The following DOCK8 variants were observed in gnomAD, a reference collection of about 807,000 sequenced individuals.
The protein encoded by DOCK8 is dedicator of cytokinesis 8, also known as dedicator of cytokinesis protein 8.
DOCK8 carries 141 observed loss-of-function variants against 245.6 expected under a neutral mutation model. The observed-to-expected ratio is 0.57, with a 90% CI of 0.50 to 0.66. The LOEUF is 0.66. DOCK8 is among the 30% of genes least tolerant of loss of function. The pLI, the probability that DOCK8 is intolerant of heterozygous loss-of-function variation, is 0.00. For synonymous variants in DOCK8, 1,168 were observed against 970.2 expected, an observed-to-expected ratio of 1.20 and a Z score of -3.79; for missense variants, 2,965 against 2,603.4, an observed-to-expected ratio of 1.14 and a Z score of -3.02.
Position 327,292 on chromosome 9 carries a change from G to A in DOCK8, c.895-730G>A, listed in dbSNP as rs143658088. Among the ~76,000 whole-genome samples, 488 of 152,200 alleles carry A rather than the reference G, an allele frequency of 3.2e-3. 4 individuals carry two copies. The highest frequency in any genetic ancestry group is 0.011 in the African/African-American group (471 of 41,512). ...TGTCCTTGTCACCCAACTGCAAATGGCCTGTCACTCTGGAACTTCCACAGT... is the reference window on the plus strand; with the variant it reads ...TGTCCTTGTCACCCAACTGCAAATGACCTGTCACTCTGGAACTTCCACAGT... On this transcript the variant is annotated intron_variant, in intron 8 of 47. Transcript: ENST00000432829.
intron 1 of DOCK8, among the ~76,000 whole-genome samples, chr9:260,808 A>G (rs1338653215): frequency 6.6e-6 from 1 of 152,240 alleles, no homozygotes; most frequent in African/African-American, 2.4e-5. Context: ...TCACCAGCAA[A>G]CAGATAAAGA....
intron 11 of DOCK8, among the ~76,000 whole-genome samples, chr9:335,725 G>A (rs1424615557): frequency 6.6e-6 from 1 of 152,104 alleles, no homozygotes; most frequent in Admixed American, 6.5e-5. Context: ...AGGATAACCT[G>A]ACAACAGAGA....
At chr9:400,808 A>T (rs2054949869) in intron 26 of DOCK8, among the ~76,000 whole-genome samples, 1 of 73,610 alleles carries the variant, frequency 1.4e-5, no homozygotes, top group South Asian at 4.8e-4. Context: ...CACCTCCACC[A>T]TCACCACCAC....
chr9:299,568 A>G (rs2049431949), intron 4 of DOCK8, among the ~76,000 whole-genome samples: 1 of 151,098 alleles, frequency 6.6e-6, no homozygotes, highest in African/African-American at 2.4e-5. Context: ...CAGCCTGTAC[A>G]TTTTCCTTGA....
rs201847818 is a variant in DOCK8 at position 311,987 on chromosome 9, G to A, written c.562G>A (p.Val188Met). The change falls in exon 6 of 48, where the codon GTG becomes ATG. Residue 188 changes from valine to methionine, a missense_variant. By Grantham distance (21) the Val-to-Met change is conservative. Transcript: ENST00000432829. ...CCGCCACTTAAACGTGCTGTGCGAC[G>A]TGTCTGGGAAAGGCCCCGTCACTGC... ...GPRHLNVLCD[V>M]SGKGPVTACD... is the part of the protein sequence containing the mutation. The A allele has an allele frequency of 4.8e-5, 77 of 1,614,002 alleles. No homozygotes were observed. Among genetic ancestry groups the A allele is most frequent in the Middle Eastern group, 1.6e-4 (1 of 6,084 alleles).
At chr9:409,948 A>T (rs566254319) in intron 28 of DOCK8, among the ~76,000 whole-genome samples, 2 of 152,192 alleles carry the variant, frequency 1.3e-5, no homozygotes, top group East Asian at 1.9e-4. Context: ...TCTACCATTG[A>T]TGGACATTTG....
intron 26 of DOCK8, among the ~76,000 whole-genome samples, chr9:400,898 C>A (rs1473698193): frequency 3.3e-3 from 144 of 43,112 alleles, no homozygotes; most frequent in East Asian, 0.023. Flanking sequence ...CACCACCTCC[C>A]CCACTACCAA....
intron 26 of DOCK8, among the ~76,000 whole-genome samples, chr9:399,823 A>G (rs1329495498): frequency 6.6e-6 from 1 of 151,864 alleles, no homozygotes; most frequent in Non-Finnish European, 1.5e-5. Context: ...CCCTCAAACT[A>G]CCTTAACAAT....
chr9:440,783 G>C (rs1402139489), intron 40 of DOCK8, among the ~76,000 whole-genome samples: 1 of 152,182 alleles, frequency 6.6e-6, no homozygotes, highest in Non-Finnish European at 1.5e-5. Context: ...TTGTCACCCA[G>C]GCTGGAGTGC....
chr9:303,358 C>T (rs553550890), intron 4 of DOCK8, among the ~76,000 whole-genome samples: 2 of 152,158 alleles, frequency 1.3e-5, no homozygotes, highest in Non-Finnish European at 2.9e-5. Context: ...CAGCACAATT[C>T]ACAATAGCAA....
At chr9:351,117 C>T (rs1422786979) in intron 14 of DOCK8, among the ~76,000 whole-genome samples, 2 of 152,200 alleles carry the variant, frequency 1.3e-5, no homozygotes, top group Admixed American at 6.5e-5. Flanking sequence ...ATTTCTCTGG[C>T]TTCCTGATAG....
At chr9:236,017 A>T (rs142530382) in intron 1 of DOCK8, among the ~76,000 whole-genome samples, 59 of 152,266 alleles carry the variant, frequency 3.9e-4, no homozygotes, top group African/African-American at 1.3e-3. Flanking sequence ...TGTAGACTGG[A>T]GCTGTTCCTA....
chr9:220,713 C>G, intron 1 of DOCK8: 1 of 359,682 alleles, frequency 2.8e-6, no homozygotes, highest in Non-Finnish European at 5.2e-6. Flanking sequence ...AGTCTAATTT[C>G]TTTCTTTTTT....
chr9:327,207 C>CGGA, intron 8 of DOCK8, among the ~76,000 whole-genome samples: 1 of 152,298 alleles, frequency 6.6e-6, no homozygotes, highest in East Asian at 1.9e-4. Flanking sequence ...TCACCTTCCA[C>CGGA]CCCTGCCTAT....
chr9:399,836 T>A (rs1396673494), intron 26 of DOCK8, among the ~76,000 whole-genome samples: 1 of 151,924 alleles, frequency 6.6e-6, no homozygotes, highest in African/African-American at 2.4e-5. Context: ...TTAACAATAG[T>A]AATATAAATA....
intron 26 of DOCK8, among the ~76,000 whole-genome samples, chr9:403,911 TATATA>T (rs2055249222): frequency 9.3e-5 from 8 of 85,896 alleles, no homozygotes; most frequent in African/African-American, 4.7e-4. Context: ...TATATATATA[TATATA>T]CATATATATA....
At chr9:346,758 A>T (rs1312374873) in intron 14 of DOCK8, among the ~76,000 whole-genome samples, 4 of 152,090 alleles carry the variant, frequency 2.6e-5, no homozygotes, top group African/African-American at 9.7e-5. Flanking sequence ...AAGGAGTACT[A>T]CCCACCTTCT....
intron 18 of DOCK8, among the ~76,000 whole-genome samples, chr9:374,367 A>G (rs1031203941): frequency 5.3e-5 from 8 of 151,942 alleles, no homozygotes; most frequent in Admixed American, 4.6e-4. Flanking sequence ...TATTGTATTA[A>G]TAATTTTTTA....
chr9:301,991 A>T (rs2049570834), intron 4 of DOCK8, among the ~76,000 whole-genome samples: 2 of 152,132 alleles, frequency 1.3e-5, no homozygotes. Context: ...GAATTTAAAA[A>T]AAAAAACCTA....
Sources: allele counts gnomAD v4.1 joint callset (sites outside exome capture counted in the v4.1 genomes callset), GRCh38; gene constraint gnomAD v4.1.1; transcripts MANE v1.5; gene names NCBI Gene and HGNC (gene_info 2026-07-23, HGNC 2026-07-21).